TANC2: variants seen among roughly 807,000 people sequenced by gnomAD.
The protein encoded by TANC2 is tetratricopeptide repeat, ankyrin repeat and coiled-coil containing 2, also known as protein TANC2.
TANC2 carries 26 observed loss-of-function variants against 210.5 expected under a neutral mutation model. The observed-to-expected ratio is 0.12, with a 90% CI of 0.09 to 0.17. The LOEUF is 0.17. Among genes scored for constraint, TANC2 ranks in the 10% least tolerant of loss-of-function variants. The pLI, the probability that TANC2 is intolerant of heterozygous loss-of-function variation, is 1.00. For synonymous variants in TANC2, 931 were observed against 967.1 expected, an observed-to-expected ratio of 0.96 and a Z score of 0.69; for missense variants, 2,129 against 2,608.9, an observed-to-expected ratio of 0.82 and a Z score of 4.01.
At chr17:63,178,337 A>C (rs1488678372) in intron 5 of TANC2, among the ~76,000 whole-genome samples, 3 of 152,094 alleles carry the variant, frequency 2.0e-5, no homozygotes, top group African/African-American at 4.8e-5. Context: ...TGTCTCAAAA[A>C]AAAACACAAA....
chr17:63,228,159 A>G (rs2042376523), intron 7 of TANC2, among the ~76,000 whole-genome samples: 1 of 151,808 alleles, frequency 6.6e-6, no homozygotes, highest in South Asian at 2.1e-4. Flanking sequence ...CACCATGCCC[A>G]GCCCCAGCAC....
chr17:63,287,900 C>T (rs1476617999), intron 9 of TANC2, among the ~76,000 whole-genome samples: 1 of 152,126 alleles, frequency 6.6e-6, no homozygotes, highest in Non-Finnish European at 1.5e-5. Context: ...GGGTCTCGAT[C>T]TCCTGACCTC....
At chr17:63,363,781 T>C (rs762144007) in intron 14 of TANC2, among the ~76,000 whole-genome samples, 41 of 152,238 alleles carry the variant, frequency 2.7e-4, no homozygotes, top group Non-Finnish European at 3.4e-4. Context: ...AGTCAGGCAA[T>C]ATGATTCCTC....
chr17:63,026,968 A>G (rs2034579156), intron 2 of TANC2, among the ~76,000 whole-genome samples: 2 of 152,156 alleles, frequency 1.3e-5, no homozygotes, highest in African/African-American at 4.8e-5. Flanking sequence ...AAAGCTATGT[A>G]AGGCTTATGC....
chr17:63,273,086 C>CTAGGCAACA (rs1407989526), intron 9 of TANC2, among the ~76,000 whole-genome samples: 1 of 152,048 alleles, frequency 6.6e-6, no homozygotes, highest in Non-Finnish European at 1.5e-5. Context: ...CAAGACCAGC[C>CTAGGCAACA]TAGGCAACAT....
intron 1 of TANC2, among the ~76,000 whole-genome samples, chr17:63,000,743 A>T (rs1425399154): frequency 1.3e-5 from 2 of 152,174 alleles, no homozygotes; most frequent in East Asian, 3.8e-4. Flanking sequence ...AAATTTGGAA[A>T]AGCAGGGTAA....
chr17:63,358,377 GTA>G (rs796898787), intron 14 of TANC2, among the ~76,000 whole-genome samples: 3 of 101,184 alleles, frequency 3.0e-5, no homozygotes, highest in East Asian at 3.6e-4. Flanking sequence ...GAGAGAGAGA[GTA>G]TGTGTGTGTG....
intron 7 of TANC2, among the ~76,000 whole-genome samples, chr17:63,224,262 T>C (rs2042271289): frequency 6.6e-6 from 1 of 151,202 alleles, no homozygotes. Context: ...TTTTTTTTTT[T>C]TTTTTTTGAG....
chr17:63,287,792 A>G (rs1314272956), intron 9 of TANC2, among the ~76,000 whole-genome samples: 1 of 151,704 alleles, frequency 6.6e-6, no homozygotes, highest in Non-Finnish European at 1.5e-5. Context: ...CTCCTGCCTC[A>G]GCCTCCTGAG....
At chr17:62,976,276 A>G (rs1428999711) in intron 1 of TANC2, among the ~76,000 whole-genome samples, 1 of 152,128 alleles carries the variant, frequency 6.6e-6, no homozygotes, top group Non-Finnish European at 1.5e-5. Context: ...CTTCAGTTTG[A>G]TTATGTAAAC....
intron 1 of TANC2, among the ~76,000 whole-genome samples, chr17:62,968,805 C>T (rs2031516081): frequency 6.6e-6 from 1 of 152,140 alleles, no homozygotes; most frequent in African/African-American, 2.4e-5. Context: ...TACTGTTAAT[C>T]AGGCCTCAGA....
chr17:63,265,016 C>T (rs1033092221), intron 8 of TANC2, among the ~76,000 whole-genome samples: 1 of 152,172 alleles, frequency 6.6e-6, no homozygotes, highest in Non-Finnish European at 1.5e-5. Flanking sequence ...AATATATTTA[C>T]CATACTCTAA....
intron 7 of TANC2, among the ~76,000 whole-genome samples, chr17:63,227,680 C>A (rs1189122381): frequency 6.6e-6 from 1 of 151,930 alleles, no homozygotes; most frequent in Non-Finnish European, 1.5e-5. Context: ...AAATCTTTAC[C>A]CATGCCTATG....
intron 2 of TANC2, 29 bp downstream of exon 2, chr17:63,009,655 G>T (rs776732230): frequency 1.9e-6 from 3 of 1,593,272 alleles, no homozygotes; most frequent in Non-Finnish European, 2.6e-6. Flanking sequence ...TTTATTGTGC[G>T]TGATATTTTA....
At chr17:63,327,793 C>CT (rs2045698162) in intron 11 of TANC2, among the ~76,000 whole-genome samples, 1 of 151,828 alleles carries the variant, frequency 6.6e-6, no homozygotes, top group Admixed American at 6.6e-5. Context: ...TTTTATTATA[C>CT]TTTAAGTTTT....
Position 62,999,606 on chromosome 17 carries a change from T to C in TANC2, c.-23-9931T>C, listed in dbSNP as rs552590676. On this transcript the variant is annotated intron_variant, in intron 1 of 27. Coordinates refer to ENST00000689528, the Ensembl canonical transcript of TANC2. ...AAATTTGTAAGCTTTCTTAAAACAT[T>C]ATGAGATTTTTTTTGTAACTTTTTT... is the stretch of plus-strand genomic sequence containing the variant. Among the ~76,000 whole-genome samples, 18 of 151,618 alleles carry C rather than the reference T, an allele frequency of 1.2e-4. No homozygotes were observed. In the South Asian group the frequency reaches 3.7e-3, roughly 31 times the overall value.
intron 2 of TANC2, among the ~76,000 whole-genome samples, chr17:63,073,505 A>C (rs2144653100): frequency 6.6e-6 from 1 of 152,274 alleles, no homozygotes; most frequent in East Asian, 1.9e-4. Flanking sequence ...TTATTTCATA[A>C]AACATACGAA....
At chr17:63,336,410 G>A (rs541512960) in intron 11 of TANC2, among the ~76,000 whole-genome samples, 12 of 152,204 alleles carry the variant, frequency 7.9e-5, no homozygotes, top group Non-Finnish European at 1.8e-4. Flanking sequence ...AGTAGAAAAT[G>A]GTCTATGGAG....
intron 5 of TANC2, among the ~76,000 whole-genome samples, chr17:63,165,180 A>G (rs563982384): frequency 6.6e-5 from 10 of 152,144 alleles, no homozygotes; most frequent in African/African-American, 1.9e-4. Context: ...AGGCTGAGGC[A>G]GGAGGAACGC....
Sources: gnomAD v4.1 joint callset for allele counts (sites outside exome capture counted in the v4.1 genomes callset) on GRCh38, gnomAD v4.1.1 for gene constraint, MANE v1.5 for transcripts, NCBI Gene and HGNC (gene_info 2026-07-23, HGNC 2026-07-21) for gene names.